Variants in ADGRL2 observed in about 807,000 individuals in gnomAD.
The protein encoded by ADGRL2 is adhesion G protein-coupled receptor L2.
In ADGRL2, 44 loss-of-function variants were observed where a neutral mutation model predicts 157.4. The ratio of observed to expected loss-of-function variants is 0.28; its 90% CI spans 0.22 to 0.36. ADGRL2 has a LOEUF of 0.36. Ranked by LOEUF, ADGRL2 falls within the 10% of genes least tolerant of loss-of-function variation. The pLI, the probability that ADGRL2 is intolerant of heterozygous loss-of-function variation, is 1.00. For synonymous variants in ADGRL2, 585 were observed against 624.7 expected (o/e 0.94, Z 0.95); for missense variants, 1,510 against 1,768.9 (o/e 0.85, Z 2.63).
chr1:81,842,501 GCAC>G (rs1557754795), intron 2 of ADGRL2, among the ~76,000 whole-genome samples: 1 of 151,676 alleles, frequency 6.6e-6, no homozygotes, highest in Non-Finnish European at 1.5e-5. Context: ...GGGATTACAG[GCAC>G]CTGCCACCAT....
chr1:81,815,834 ATTAGAATAGAT>A (rs560932014), intron 1 of ADGRL2, among the ~76,000 whole-genome samples: 229 of 151,958 alleles, frequency 1.5e-3, no homozygotes, highest in African/African-American at 5.3e-3. Context: ...GTTTCTTAAA[ATTAGAATAGAT>A]TTAAAACAAT....
At chr1:81,930,285 AATCT>A (rs1223836857) in intron 3 of ADGRL2, among the ~76,000 whole-genome samples, 1 of 152,178 alleles carries the variant, frequency 6.6e-6, no homozygotes, top group Non-Finnish European at 1.5e-5. Flanking sequence ...ATAAAAAGAT[AATCT>A]TTCTTGAAAA....
chr1:81,975,082 C>A (rs138987597), intron 17 of ADGRL2, among the ~76,000 whole-genome samples: 2,528 of 151,956 alleles, frequency 0.017, 46 homozygotes, highest in South Asian at 0.06. Context: ...TACACACACA[C>A]CTGCACACAG....
intron 1 of ADGRL2, among the ~76,000 whole-genome samples, chr1:81,383,577 A>G (rs2076379422): frequency 6.6e-6 from 1 of 151,902 alleles, no homozygotes; most frequent in African/African-American, 2.4e-5. Context: ...TGCAATAGAT[A>G]CACTCTGCAA....
chr1:81,320,852 G>C (rs965809754), intron 1 of ADGRL2, among the ~76,000 whole-genome samples: 1 of 152,272 alleles, frequency 6.6e-6, no homozygotes, highest in African/African-American at 2.4e-5. Flanking sequence ...ATGAGCATTG[G>C]CTTCAACTTA....
At chr1:81,513,013 T>A (rs1393309725) in intron 2 of ADGRL2, among the ~76,000 whole-genome samples, 1 of 152,194 alleles carries the variant, frequency 6.6e-6, no homozygotes. Context: ...AATCTTTAAA[T>A]GTTCTAATGT....
intron 1 of ADGRL2, among the ~76,000 whole-genome samples, chr1:81,755,932 C>T (rs1204873528): frequency 6.6e-6 from 1 of 152,100 alleles, no homozygotes; most frequent in East Asian, 1.9e-4. Flanking sequence ...AATAAATAAT[C>T]TCACACCTCA....
At chr1:81,829,907 C>T (rs1405188066) in intron 1 of ADGRL2, among the ~76,000 whole-genome samples, 4 of 152,096 alleles carry the variant, frequency 2.6e-5, no homozygotes, top group East Asian at 1.9e-4. Flanking sequence ...GGTTGAGCCA[C>T]GATTCTATAG....
chr1:81,539,703 C>T lies in ADGRL2; in HGVS notation c.-247-41173C>T, dbSNP rs536504137. The stretch of plus-strand genomic sequence containing the variant: ...CAACGTAAGGACTCTTACCACTACT[C>T]TCTTTTTGCTCCGTCATTCTCAATT... On this transcript the variant is annotated intron_variant, in intron 2 of 24. Transcript: ENST00000370721. Among the ~76,000 whole-genome samples, 19 of 152,176 alleles carry T rather than the reference C, an allele frequency of 1.2e-4. No individual in the cohort carries two copies. The South Asian group carries it at 3.9e-3, about 32-fold the overall frequency.
At chr1:81,955,280 C>T (rs1653131207) in intron 10 of ADGRL2, among the ~76,000 whole-genome samples, 1 of 151,544 alleles carries the variant, frequency 6.6e-6, no homozygotes, top group Admixed American at 6.6e-5. Context: ...TTTAGCTGGA[C>T]AGAGAATTGG....
At chr1:81,575,755 C>T (rs2080786102) in intron 2 of ADGRL2, among the ~76,000 whole-genome samples, 1 of 152,038 alleles carries the variant, frequency 6.6e-6, no homozygotes, top group Non-Finnish European at 1.5e-5. Flanking sequence ...ATAAGATGTT[C>T]TGTTCTTGTG....
Position 81,950,237 on chromosome 1 carries a change from C to G in ADGRL2, c.1259C>G (p.Thr420Ser), listed in dbSNP as rs1236045063. ...TITSSAELFK[T>S]IISTTSTTSQ... ...ACTTCTTCAGCTGAGCTGTTCAAAA[C>G]CATAATATCAACCACAAGCACTACT... The change falls in exon 7 of 24, where the codon ACC (threonine) becomes AGC (serine). Residue 420 changes from threonine to serine, a missense_variant. Transcript: ENST00000686636. 1 of 1,614,020 alleles carries G rather than the reference C, an allele frequency of 6.2e-7. No individual in the cohort carries two copies. The highest frequency in any genetic ancestry group is 2.2e-5 in the East Asian group (1 of 44,868).
At chr1:81,730,381 C>T (rs2084677943) in intron 1 of ADGRL2, among the ~76,000 whole-genome samples, 1 of 152,108 alleles carries the variant, frequency 6.6e-6, no homozygotes, top group Non-Finnish European at 1.5e-5. Flanking sequence ...TATAATAACA[C>T]ATTTATTCAA....
At chr1:81,776,191 AT>A (rs34378166) in intron 2 of ADGRL2, among the ~76,000 whole-genome samples, 20,168 of 144,646 alleles carry the variant, frequency 0.14, 1,357 homozygotes, top group East Asian at 0.23. Context: ...ACCTTAAAGC[AT>A]TTTTTTTTTT....
intron 23 of ADGRL2, chr1:81,989,650 A>G (rs527386483): frequency 2.2e-5 from 35 of 1,608,682 alleles, no homozygotes; most frequent in Admixed American, 6.7e-5. Context: ...TTTCTTTTAT[A>G]TATCAGCTAC....
chr1:81,763,986 A>G (rs1182532211), intron 2 of ADGRL2, among the ~76,000 whole-genome samples: 1 of 152,096 alleles, frequency 6.6e-6, no homozygotes, highest in Non-Finnish European at 1.5e-5. Flanking sequence ...AACCTGGGCG[A>G]CAGTGAGACT....
chr1:81,804,298 C>T (rs995461507), intron 1 of ADGRL2, among the ~76,000 whole-genome samples: 17 of 152,302 alleles, frequency 1.1e-4, no homozygotes, highest in African/African-American at 3.8e-4. Context: ...TGTTTAGTTT[C>T]TTCAGACATT....
At chr1:81,539,751 T>G (rs1315259051) in intron 2 of ADGRL2, among the ~76,000 whole-genome samples, 1 of 151,170 alleles carries the variant, frequency 6.6e-6, no homozygotes, top group Non-Finnish European at 1.5e-5. Flanking sequence ...ATTTCAGAGA[T>G]CCAACATGAC....
intron 2 of ADGRL2, among the ~76,000 whole-genome samples, chr1:81,872,231 T>C (rs1407820389): frequency 2.0e-5 from 3 of 152,296 alleles, no homozygotes; most frequent in African/African-American, 7.2e-5. Flanking sequence ...TTGTCAAAGA[T>C]CAGATGGTTG....
Sources: gnomAD v4.1 joint callset for allele counts (sites outside exome capture counted in the v4.1 genomes callset) on GRCh38, gnomAD v4.1.1 for gene constraint, MANE v1.5 for transcripts, NCBI Gene and HGNC (gene_info 2026-07-23, HGNC 2026-07-21) for gene names.